WDR62: variants seen among roughly 807,000 people sequenced by gnomAD.
The protein encoded by WDR62 is WD repeat-containing protein 62.
Under a neutral mutation model 160.6 loss-of-function variants are expected in WDR62, and 112 were observed. The ratio of observed to expected loss-of-function variants is 0.70; its 90% CI spans 0.60 to 0.82. WDR62 has a LOEUF of 0.82. Ranked by LOEUF, WDR62 falls within the 40% of genes least tolerant of loss-of-function variation. WDR62 has a pLI of 0.00. For missense variants in WDR62, 1,819 were observed against 1,983.8 expected (o/e 0.92, Z 1.58); for synonymous variants, 792 against 815.1 (o/e 0.97, Z 0.48).
chr19:36,055,712 G>A (rs555538642), intron 1 of WDR62, among the ~76,000 whole-genome samples: 1 of 152,348 alleles, frequency 6.6e-6, no homozygotes, highest in Admixed American at 6.5e-5. Flanking sequence ...GCTGCCTGGG[G>A]AGGAGGGCGT....
intron 24 of WDR62, 81 bp from the exon 25 acceptor site, chr19:36,101,583 G>C: frequency 9.0e-7 from 1 of 1,110,954 alleles, no homozygotes; most frequent in Non-Finnish European, 1.3e-6. Context: ...TGGGGAAACT[G>C]AGCCCAGGGA....
intron 8 of WDR62, 123 bp from the exon 9 acceptor site, chr19:36,073,219 G>T: frequency 1.1e-6 from 1 of 921,820 alleles, no homozygotes. Context: ...GAGCAGGAGA[G>T]ATGGATGGCC....
chr19:36,059,098 G>A (rs952401861), intron 2 of WDR62: 4 of 677,126 alleles, frequency 5.9e-6, no homozygotes, highest in Non-Finnish European at 1.1e-5. Context: ...ACTACAGGGG[G>A]GAGGTGACAG....
intron 22 of WDR62, among the ~76,000 whole-genome samples, chr19:36,100,289 C>T (rs888823361): frequency 5.3e-5 from 8 of 152,196 alleles, no homozygotes; most frequent in African/African-American, 1.9e-4. Flanking sequence ...AATTTGTCAT[C>T]TTCATTGTGG....
intron 7 of WDR62, among the ~76,000 whole-genome samples, chr19:36,069,871 G>A (rs953845573): frequency 4.6e-5 from 7 of 152,206 alleles, no homozygotes; most frequent in African/African-American, 1.4e-4. Flanking sequence ...GGCGGCGCGC[G>A]CCTGCAATCG....
intron 30 of WDR62, 140 bp from the exon 31 acceptor site, chr19:36,104,378 T>G: frequency 9.2e-7 from 1 of 1,089,972 alleles, no homozygotes; most frequent in Non-Finnish European, 1.3e-6. Flanking sequence ...CAGAGACCTG[T>G]AGGAGTGAAG....
At chr19:36,064,861 T>C (rs1599755504) in intron 3 of WDR62, among the ~76,000 whole-genome samples, 1 of 152,250 alleles carries the variant, frequency 6.6e-6, no homozygotes, top group South Asian at 2.1e-4. Flanking sequence ...ATTACAGGCG[T>C]GAGGCACCGC....
Position 36,067,898 on chromosome 19 carries a change from G to A in WDR62, c.770G>A (p.Gly257Asp). ...GAGCTGCACAACAACATCTTCTGTG[G>A]TGTGGCCTGCGGTCGGGGCCGGATG... is the stretch of plus-strand genomic sequence containing the variant. Reference protein sequence around the residue: ...LGELHNNIFCGVACGRGRMAG... With the variant: ...LGELHNNIFCDVACGRGRMAG... Residue 257 changes from glycine (G) to aspartate (D), a missense_variant, in exon 7 of 32, where the codon GGT (glycine) becomes GAT (aspartate). Gly to Asp is a moderately conservative substitution (Grantham distance 94). Around this residue, in one of 3 missense-constraint regions of WDR62, gnomAD observed 934 missense variants for 1,157.2 expected, o/e 0.81. Coordinates refer to ENST00000401500, the MANE Select transcript of WDR62 (RefSeq NM_001083961.2). The A allele has an allele frequency of 6.2e-7, 1 of 1,614,214 alleles. No individual in the cohort carries two copies. The highest frequency in any genetic ancestry group is 8.5e-7 in the Non-Finnish European group (1 of 1,180,036).
chr19:36,093,085 C>T (rs1254202941), intron 19 of WDR62, among the ~76,000 whole-genome samples: 1 of 152,262 alleles, frequency 6.6e-6, no homozygotes, highest in Non-Finnish European at 1.5e-5. Flanking sequence ...GATCCTCCCA[C>T]CTTGGCCTCA....
rs558867826 is a variant in WDR62 at position 36,058,821 on chromosome 19, C to T, written c.219C>T (p.Ser73=). The change falls in exon 2 of 32, where the codon AGC becomes AGT. Residue 73 remains serine, a synonymous_variant. Coordinates refer to ENST00000401500, the MANE Select transcript of WDR62 (RefSeq NM_001083961.2). ...EKVLGITAQN[S]SGLTCDPGTG... The stretch of plus-strand genomic sequence containing the variant: ...TGCTTGGCATCACAGCCCAGAACAG[C>T]AGTGGCCTAACCTGTGACCCCGGCA... 9.9e-6 allele frequency: 16 copies of T among 1,614,244 alleles called. No homozygotes were observed. The East Asian group carries it at 2.9e-4, about 29-fold the overall frequency.
chr19:36,106,696 G>A (rs1045723998), downstream of WDR62, among the ~76,000 whole-genome samples: 1 of 152,246 alleles, frequency 6.6e-6, no homozygotes, highest in African/African-American at 2.4e-5. Flanking sequence ...CCGGACGGCT[G>A]GAATGGAGTG....
intron 18 of WDR62, among the ~76,000 whole-genome samples, chr19:36,092,175 G>T (rs760298829): frequency 6.6e-6 from 1 of 152,024 alleles, no homozygotes; most frequent in Non-Finnish European, 1.5e-5. Context: ...GCTGTGCGTG[G>T]TGGCAGGCGC....
Position 36,102,929 on chromosome 19 carries a change from C to G in WDR62, c.3336-19C>G, listed in dbSNP as rs772716777. ...GGCAGGCTGAATGAGAATCATCCCC[C>G]CTGCTCTCCTCCCCACAGGTTCACC... On this transcript the variant is annotated intron_variant, in intron 27 of 31. Coordinates refer to ENST00000401500, the MANE Select transcript of WDR62 (RefSeq NM_001083961.2). 8.1e-6 allele frequency: 13 copies of G among 1,614,156 alleles called. No individual in the cohort carries two copies. The highest frequency in any genetic ancestry group is 1.1e-5 in the Non-Finnish European group (13 of 1,180,024).
intron 23 of WDR62, 33 bp from the exon 24 acceptor site, chr19:36,101,181 C>A (rs777882010): frequency 1.9e-6 from 3 of 1,582,638 alleles, no homozygotes. Flanking sequence ...AGCTGAAGTC[C>A]TTGTTCCCTC....
intron 26 of WDR62, chr19:36,102,532 A>C: frequency 3.3e-6 from 2 of 611,698 alleles, no homozygotes; most frequent in Non-Finnish European, 5.8e-6. Context: ...AAGTGCTGGG[A>C]TTACAGGCGT....
chr19:36,067,520 C>A (rs1182753488), intron 6 of WDR62, 77 bp downstream of exon 6: 5 of 1,602,214 alleles, frequency 3.1e-6, no homozygotes, highest in Non-Finnish European at 4.3e-6. Context: ...CCTGTTTCTC[C>A]CTGAGATTTG....
At chr19:36,092,451 C>T (rs1972678374) in intron 18 of WDR62, among the ~76,000 whole-genome samples, 1 of 152,234 alleles carries the variant, frequency 6.6e-6, no homozygotes. Flanking sequence ...AGCCCCCTTC[C>T]TCAGGTCTTG....
In WDR62 at chr19:36,067,879, CACA is replaced by C. The variant is rs769540842; in HGVS notation, c.758_760del (p.Asn253del). 5.0e-6 allele frequency: 8 copies of C among 1,614,116 alleles called. No homozygotes were observed. Among genetic ancestry groups the C allele is most frequent in the South Asian group, 2.2e-5 (2 of 91,092 alleles). The stretch of plus-strand genomic sequence containing the variant: ...GCGCTCGGGCATCCTGGGCGAGCTG[CACA>C]ACAACATCTTCTGTGGTGTGGCCTG... On this transcript the variant is annotated inframe_deletion, in exon 7 of 32. Transcript: ENST00000401500.
intron 2 of WDR62, 54 bp from the exon 3 acceptor site, chr19:36,059,914 C>T (rs1970558882): frequency 6.3e-7 from 1 of 1,591,982 alleles, no homozygotes. Flanking sequence ...ATAGAATCAT[C>T]CCAGGACCCC....
Sources: gnomAD v4.1 joint callset for allele counts (sites outside exome capture counted in the v4.1 genomes callset) on GRCh38, gnomAD v4.1.1 for gene constraint, gnomAD v4.1.1 regional missense constraint, MANE v1.5 for transcripts, NCBI Gene and HGNC (gene_info 2026-07-23, HGNC 2026-07-21) for gene names.